Variants in HSPA12A observed in about 807,000 individuals in gnomAD.
The protein encoded by HSPA12A is heat shock 70 kDa protein 12A.
HSPA12A carries 28 observed loss-of-function variants against 69.2 expected under a neutral mutation model. The observed-to-expected ratio is 0.40, with a 90% CI of 0.30 to 0.55. HSPA12A has a LOEUF of 0.55. HSPA12A is among the 20% of genes least tolerant of loss of function. The pLI is 0.38. For missense variants in HSPA12A, 686 were observed against 900.7 expected (o/e 0.76, Z 3.05); for synonymous variants, 345 against 370.5 (o/e 0.93, Z 0.79).
At chr10:116,756,359 G>A (rs1054790137) in intron 2 of HSPA12A, among the ~76,000 whole-genome samples, 47 of 152,254 alleles carry the variant, frequency 3.1e-4, no homozygotes, top group African/African-American at 1.1e-3. Context: ...GTGCTTGTGA[G>A]ATCAGAGACA....
intron 1 of HSPA12A, among the ~76,000 whole-genome samples, chr10:116,732,298 C>T (rs1167681778): frequency 1.9e-5 from 2 of 105,156 alleles, no homozygotes; most frequent in African/African-American, 6.0e-5. Context: ...CTACTGCACT[C>T]CAGCCTGGGT....
chr10:116,678,348 C>CA (rs55780024), intron 10 of HSPA12A, among the ~76,000 whole-genome samples: 40,820 of 59,486 alleles, frequency 0.69, 14,696 homozygotes, highest in Admixed American at 0.75. Context: ...TGCCAACTTG[C>CA]AAAAAAAAAA....
At chr10:116,833,194 C>A (rs770793018) in intron 2 of HSPA12A, 1 of 152,162 alleles carries the variant, frequency 6.6e-6, no homozygotes, top group Non-Finnish European at 1.5e-5. Flanking sequence ...TAACATGTTC[C>A]GTCTGTTCAC....
chr10:116,750,506 A>C, intron 2 of HSPA12A: 1 of 477,142 alleles, frequency 2.1e-6, no homozygotes, highest in Non-Finnish European at 3.9e-6. Context: ...CATCAGTCAG[A>C]ATGTCGTGGA....
At chr10:116,777,868 C>T (rs1554891306) in intron 2 of HSPA12A, among the ~76,000 whole-genome samples, 2 of 152,188 alleles carry the variant, frequency 1.3e-5, no homozygotes, top group Non-Finnish European at 2.9e-5. Context: ...GCTGGGATTA[C>T]AGGCATGTGC....
chr10:116,818,632 A>G (rs952937092), intron 2 of HSPA12A, among the ~76,000 whole-genome samples: 1 of 152,086 alleles, frequency 6.6e-6, no homozygotes, highest in African/African-American at 2.4e-5. Context: ...TTACATCTCC[A>G]TGTGCTGTCC....
chr10:116,729,941 C>T (rs1443427693), intron 1 of HSPA12A, among the ~76,000 whole-genome samples: 2 of 152,220 alleles, frequency 1.3e-5, no homozygotes, highest in Non-Finnish European at 2.9e-5. Flanking sequence ...TAAAGATGGC[C>T]AGGCGTGGTG....
chr10:116,703,752 C>T (rs1281068861), intron 3 of HSPA12A, among the ~76,000 whole-genome samples: 1 of 152,164 alleles, frequency 6.6e-6, no homozygotes, highest in African/African-American at 2.4e-5. Flanking sequence ...GACTGGGATC[C>T]CATGGATGGG....
intron 2 of HSPA12A, among the ~76,000 whole-genome samples, 175 bp from the exon 3 acceptor site, chr10:116,705,453 C>T (rs782761949): frequency 2.6e-5 from 4 of 152,342 alleles, no homozygotes; most frequent in Non-Finnish European, 2.9e-5. Context: ...TGGGCCCCCG[C>T]CTGAATGGCT....
chr10:116,672,973 A>G lies in HSPA12A; in HGVS notation c.*1808T>C, dbSNP rs1386918988. 2.0e-5 allele frequency: 3 copies of G among 152,660 alleles called. No homozygotes were observed. Among genetic ancestry groups the G allele is most frequent in the African/African-American group, 7.2e-5 (3 of 41,444 alleles). 9.5% of individuals were successfully genotyped at this position (152,660 alleles called of 1,614,324 possible). ...TGCAGCAGGCGATGCGAAAAAGAAG[A>G]CATGGTCAAATGAAATGTGAAATGC... On this transcript the variant is annotated 3_prime_UTR_variant, in exon 12 of 12. Transcript: ENST00000369209.
chr10:116,672,872 T>C lies in HSPA12A; in HGVS notation c.*1909A>G, dbSNP rs1458104889. ...TTTGTGCCTGGATACACAATCCTGC[T>C]ACTAAGTTATGTGACTAACCAGCAC... On this transcript the variant is annotated 3_prime_UTR_variant, in exon 12 of 12. Transcript: ENST00000369209. 2.6e-5 allele frequency: 4 copies of C among 152,790 alleles called. No individual in the cohort carries two copies. The East Asian group carries it at 5.8e-4, about 22-fold the overall frequency. The allele number at this position is 152,790 out of a possible 1,614,324, so 9.5% of individuals were successfully genotyped here. A position where few individuals can be genotyped will look rare whatever the true frequency, so the allele number is the denominator to read the frequency against.
chr10:116,711,331 C>A (rs1048329454), intron 1 of HSPA12A, among the ~76,000 whole-genome samples: 2 of 152,174 alleles, frequency 1.3e-5, no homozygotes, highest in Non-Finnish European at 2.9e-5. Context: ...AAGTCAACAC[C>A]TCGACACAAA....
intron 2 of HSPA12A, among the ~76,000 whole-genome samples, chr10:116,810,566 C>T (rs759489769): frequency 2.0e-5 from 3 of 152,156 alleles, no homozygotes; most frequent in Non-Finnish European, 2.9e-5. Context: ...ATTAAAGATG[C>T]GAGCCTGAGG....
chr10:116,742,297 G>T, intron 1 of HSPA12A, 133 bp downstream of exon 1: 2 of 992,328 alleles, frequency 2.0e-6, no homozygotes, highest in Middle Eastern at 3.8e-4. Flanking sequence ...GGCCCCGCCC[G>T]CCAGAACTGG....
At chr10:116,749,600 T>A (rs2133083540) in intron 2 of HSPA12A, among the ~76,000 whole-genome samples, 1 of 152,306 alleles carries the variant, frequency 6.6e-6, no homozygotes. Context: ...TGGCAGGGCC[T>A]CAAGAAACGT....
At chr10:116,745,776 G>A (rs1554887760), upstream of HSPA12A, among the ~76,000 whole-genome samples, 1 of 152,042 alleles carries the variant, frequency 6.6e-6, no homozygotes, top group Non-Finnish European at 1.5e-5. Flanking sequence ...AAGATCACAT[G>A]AGGCCCCTCC....
chr10:116,840,436 C>T (rs1845785115), intron 1 of HSPA12A, among the ~76,000 whole-genome samples: 1 of 151,886 alleles, frequency 6.6e-6, no homozygotes, highest in African/African-American at 2.4e-5. Context: ...TTGTTCTTAC[C>T]CCAAAAAAAC....
chr10:116,840,709 A>T (rs1845789615), intron 1 of HSPA12A, among the ~76,000 whole-genome samples: 1 of 152,168 alleles, frequency 6.6e-6, no homozygotes, highest in Admixed American at 6.5e-5. Context: ...AGGTACAGAG[A>T]TCTAAGCTTA....
chr10:116,736,303 G>A lies in HSPA12A; in HGVS notation c.40+6127C>T, dbSNP rs1246254749. On this transcript the variant is annotated intron_variant, in intron 1 of 11. Coordinates refer to ENST00000369209, the MANE Select transcript of HSPA12A (RefSeq NM_025015.3). ...CCAGGGAGGGCAACCCGCAGCAGGT[G>A]CACGAGGAACCTGACCTAATGTACA... is the stretch of plus-strand genomic sequence containing the variant. 2.6e-5 allele frequency among the ~76,000 whole-genome samples: 4 copies of A among 152,254 alleles called. 1 individual carries two copies. The highest frequency in any genetic ancestry group is 9.6e-5 in the African/African-American group (4 of 41,540).
Sources: gnomAD v4.1 joint callset for allele counts (sites outside exome capture counted in the v4.1 genomes callset) on GRCh38, gnomAD v4.1.1 for gene constraint, MANE v1.5 for transcripts, NCBI Gene and HGNC (gene_info 2026-07-23, HGNC 2026-07-21) for gene names.